Variants in TRAFD1 observed in about 807,000 individuals in gnomAD.
TRAFD1 encodes the protein TRAF-type zinc finger domain-containing protein 1.
A neutral mutation model predicts 65.3 loss-of-function variants in TRAFD1; 38 were observed. The ratio of observed to expected loss-of-function variants is 0.58; its 90% confidence interval spans 0.45 to 0.76. TRAFD1 has a LOEUF of 0.76. Ranked by LOEUF, TRAFD1 falls within the 30% of genes least tolerant of loss-of-function variation. TRAFD1 has a pLI of 0.00. For synonymous variants in TRAFD1, 223 were observed against 257.2 expected (o/e 0.87, Z 1.27); for missense variants, 631 against 712.6 (o/e 0.89, Z 1.30).
chr12:112,143,080 G>A (rs954577666), intron 6 of TRAFD1, among the ~76,000 whole-genome samples: 3 of 151,096 alleles, frequency 2.0e-5, no homozygotes, highest in African/African-American at 7.3e-5. Flanking sequence ...ATCACGCCTG[G>A]CTAATTTTTT....
intron 6 of TRAFD1, among the ~76,000 whole-genome samples, chr12:112,143,755 C>T (rs1186643919): frequency 1.7e-5 from 2 of 120,834 alleles, no homozygotes; most frequent in Non-Finnish European, 3.2e-5. Flanking sequence ...TTTTTTGAGG[C>T]AGGATCTTGC....
intron 8 of TRAFD1, 117 bp downstream of exon 8, chr12:112,148,421 A>G: frequency 1.1e-6 from 1 of 876,752 alleles, no homozygotes; most frequent in Non-Finnish European, 1.8e-6. Context: ...GAATGCACAC[A>G]CTTGGCTTCT....
intron 9 of TRAFD1, among the ~76,000 whole-genome samples, chr12:112,150,518 G>C (rs578107694): frequency 6.6e-6 from 1 of 152,124 alleles, no homozygotes; most frequent in Non-Finnish European, 1.5e-5. Flanking sequence ...CAAAGCATTG[G>C]GGTTACATGC....
At position 112,148,014 on chromosome 12, in the gene TRAFD1, A is replaced by C. The variant is rs529571926; in HGVS notation, c.928-60A>C. The C allele has an allele frequency of 5.1e-5, 72 of 1,407,308 alleles. No homozygotes were observed. In the South Asian group the frequency reaches 8.8e-4, roughly 17 times the overall value. The allele number at this position is 1,407,308 out of a possible 1,614,324, so 87.2% of individuals were successfully genotyped here. A position where few individuals can be genotyped will look rare whatever the true frequency, so the allele number is the denominator to read the frequency against. On this transcript the variant is annotated intron_variant, in intron 7 of 11. Transcript: ENST00000412615. Reference sequence around the variant, plus strand: ...GACTTCTTCTAGAAAATATTTTAGGAATGTAGTTTTTTTCTTAACCTCTGA... The same window carrying C: ...GACTTCTTCTAGAAAATATTTTAGGCATGTAGTTTTTTTCTTAACCTCTGA...
intron 1 of TRAFD1, among the ~76,000 whole-genome samples, chr12:112,126,848 T>A (rs2079540610): frequency 6.6e-6 from 1 of 152,076 alleles, no homozygotes; most frequent in Non-Finnish European, 1.5e-5. Flanking sequence ...GAGACTTGGT[T>A]TTGCCATGTT....
chr12:112,142,826 A>G (rs1415932319), intron 6 of TRAFD1, among the ~76,000 whole-genome samples: 1 of 152,186 alleles, frequency 6.6e-6, no homozygotes, highest in Admixed American at 6.5e-5. Context: ...CAAATAGTTC[A>G]GGGGAAAAAT....
intron 9 of TRAFD1, among the ~76,000 whole-genome samples, chr12:112,150,430 G>T (rs2030368624): frequency 6.6e-6 from 1 of 151,870 alleles, no homozygotes; most frequent in African/African-American, 2.4e-5. Flanking sequence ...TTTTGTTTTT[G>T]TAGAGATAGG....
At chr12:112,140,793 A>G in intron 4 of TRAFD1, 26 bp from the exon 5 acceptor site, 1 of 1,610,268 alleles carries the variant, frequency 6.2e-7, no homozygotes, top group Non-Finnish European at 8.5e-7. Context: ...TATGCATATT[A>G]ACTGCCTCAT....
In TRAFD1 at chr12:112,152,698, T is replaced by C; in HGVS notation, c.1693-37T>C. On this transcript the variant is annotated intron_variant, in intron 11 of 11. Transcript: ENST00000412615. The surrounding 1 kb of genome is among the most constrained non-coding windows in gnomAD (Gnocchi z 5.0). ...GGGAGGAGTAATGCTTTTTCACTTT[T>C]TATGTAAAGCTTCGTTTGTGTTGTG... 1 of 1,613,996 alleles carries C rather than the reference T, an allele frequency of 6.2e-7. No homozygotes were observed. The highest frequency in any genetic ancestry group is 8.5e-7 in the Non-Finnish European group (1 of 1,179,984).
chr12:112,132,615 A>G (rs180737223), intron 2 of TRAFD1, among the ~76,000 whole-genome samples: 1 of 152,274 alleles, frequency 6.6e-6, no homozygotes, highest in East Asian at 1.9e-4. Context: ...TTGTTCTGTC[A>G]CCTTCCAGTG....
chr12:112,129,193 ATTTTTTTTTTTTT>A (rs56949881), intron 1 of TRAFD1, among the ~76,000 whole-genome samples: 6 of 81,360 alleles, frequency 7.4e-5, no homozygotes, highest in Admixed American at 1.5e-4. Context: ...TGGGATGGTG[ATTTTTTTTTTTTT>A]TTTTTTTTTT....
intron 6 of TRAFD1, among the ~76,000 whole-genome samples, chr12:112,144,641 G>C (rs570064587): frequency 9.8e-5 from 15 of 152,298 alleles, no homozygotes; most frequent in African/African-American, 3.4e-4. Context: ...AACACTTTGG[G>C]AGGCTGAGAC....
chr12:112,146,175 T>TA (rs1040756392), intron 7 of TRAFD1, among the ~76,000 whole-genome samples: 4 of 41,010 alleles, frequency 9.8e-5, no homozygotes, highest in Admixed American at 2.9e-4. Flanking sequence ...ATAATAATAA[T>TA]AAAAAAAAGA....
chr12:112,149,990 A>G (rs1410116973), intron 9 of TRAFD1, 119 bp downstream of exon 9: 28 of 1,412,720 alleles, frequency 2.0e-5, no homozygotes, highest in Non-Finnish European at 2.6e-5. Context: ...TTCCAAACAC[A>G]CTAGGGTCTC....
In TRAFD1 at chr12:112,137,539, G is replaced by A. The variant is rs1001460359; in HGVS notation, c.237+2473G>A. 6.6e-5 allele frequency among the ~76,000 whole-genome samples: 10 copies of A among 151,808 alleles called. No individual in the cohort carries two copies. Among genetic ancestry groups the A allele is most frequent in the African/African-American group, 2.4e-4 (10 of 41,336 alleles). ...GCACTTTGGGAGGCTGAGGCGGGCG[G>A]ATCACGAGGTCAGAAGATTGAGACC... On this transcript the variant is annotated intron_variant, in intron 4 of 11. Transcript: ENST00000412615. The surrounding 1 kb of genome is among the most constrained non-coding windows in gnomAD (Gnocchi z 4.2).
At chr12:112,143,802 G>A (rs189395923) in intron 6 of TRAFD1, among the ~76,000 whole-genome samples, 54 of 147,732 alleles carry the variant, frequency 3.7e-4, no homozygotes, top group Non-Finnish European at 7.3e-4. Context: ...GTGTGATCGC[G>A]GCTCACTGCA....
At position 112,142,156 on chromosome 12, in the gene TRAFD1, T is replaced by C; in HGVS notation, c.711T>C (p.Ser237=). ...CCCCCAAAGAGGGTGGTGAAGAGAGTGCAAACTTGGACTTCATGTTGGCCC... is the reference window on the plus strand; with the variant it reads ...CCCCCAAAGAGGGTGGTGAAGAGAGCGCAAACTTGGACTTCATGTTGGCCC... ...QQPPKEGGEE[S]ANLDFMLALS... The change falls in exon 6 of 12, where the codon AGT becomes AGC. Residue 237 remains serine (S), a synonymous_variant. Transcript: ENST00000412615. 6.2e-7 allele frequency: 1 copy of C among 1,612,882 alleles called. No individual in the cohort carries two copies. The highest frequency in any genetic ancestry group is 8.5e-7 in the Non-Finnish European group (1 of 1,179,740).
chr12:112,135,632 G>T (rs910384303), intron 4 of TRAFD1, among the ~76,000 whole-genome samples: 7 of 151,816 alleles, frequency 4.6e-5, no homozygotes, highest in Admixed American at 2.0e-4. Flanking sequence ...CACCATGTTG[G>T]CCTGACCTTG....
chr12:112,134,818 A>G lies in TRAFD1; in HGVS notation c.128A>G (p.Lys43Arg). The G allele has an allele frequency of 6.2e-7, 1 of 1,613,826 alleles. No individual in the cohort carries two copies. Among genetic ancestry groups the G allele is most frequent in the East Asian group, 2.2e-5 (1 of 44,860 alleles). Residue 43 changes from lysine (K) to arginine (R), a missense_variant, in exon 3 of 12, where the codon AAG becomes AGG. Coordinates refer to ENST00000412615, the MANE Select transcript of TRAFD1 (RefSeq NM_006700.3). ...AACATTGGTATGTGTCCTACCTGTA[A>G]GGAACCATTTCCCAAATCTGACATG... ...QRNIGMCPTC[K>R]EPFPKSDMET...
Sources: gnomAD v4.1 joint callset for allele counts (sites outside exome capture counted in the v4.1 genomes callset) on GRCh38, gnomAD v4.1.1 for gene constraint, Gnocchi (gnomAD v3.1) non-coding constraint, MANE v1.5 for transcripts, NCBI Gene and HGNC (gene_info 2026-07-23, HGNC 2026-07-21) for gene names.